The following GPC6 variants were observed in gnomAD, a reference collection of about 807,000 sequenced individuals.
GPC6 encodes the protein glypican 6, also known as glypican-6.
GPC6 carries 14 observed loss-of-function variants against 55.2 expected under a neutral mutation model. The ratio of observed to expected loss-of-function variants is 0.25; its 90% CI spans 0.17 to 0.40. GPC6 has a LOEUF of 0.40. Among genes scored for constraint, GPC6 ranks in the 10% least tolerant of loss-of-function variants. The pLI is 1.00. For missense variants in GPC6, 641 were observed against 708.5 expected, an observed-to-expected ratio of 0.90 and a Z score of 1.08; for synonymous variants, 278 against 259.6, an observed-to-expected ratio of 1.07 and a Z score of -0.68.
chr13:93,788,140 C>T (rs1022367065), intron 2 of GPC6, among the ~76,000 whole-genome samples: 2 of 152,098 alleles, frequency 1.3e-5, no homozygotes, highest in African/African-American at 4.8e-5. Flanking sequence ...TATTTAATCA[C>T]AGTTCTAGAG....
At chr13:93,777,713 G>C (rs1002836739) in intron 2 of GPC6, among the ~76,000 whole-genome samples, 1 of 152,112 alleles carries the variant, frequency 6.6e-6, no homozygotes, top group African/African-American at 2.4e-5. Context: ...ATGTGTACAA[G>C]GGTTATTGCT....
chr13:93,320,133 A>C (rs1292487813), intron 1 of GPC6, among the ~76,000 whole-genome samples: 1 of 152,156 alleles, frequency 6.6e-6, no homozygotes, highest in African/African-American at 2.4e-5. Context: ...AAAAATATAA[A>C]GTTTTACAAG....
chr13:93,604,266 C>T (rs1878144433), intron 2 of GPC6, among the ~76,000 whole-genome samples: 1 of 152,206 alleles, frequency 6.6e-6, no homozygotes, highest in Non-Finnish European at 1.5e-5. Context: ...GCTGATTTCA[C>T]ATTGTTATAT....
In GPC6 at chr13:94,398,486, A is replaced by G. The variant is rs758730574; in HGVS notation, c.1310A>G (p.Asn437Ser). The G allele has an allele frequency of 3.1e-6, 5 of 1,613,484 alleles. No individual in the cohort carries two copies. Among genetic ancestry groups the G allele is most frequent in the Non-Finnish European group, 4.2e-6 (5 of 1,179,562 alleles). ...TGCAGATACTTGCCTGAGATCATGAATGATGGGCTCACCAACCAGATCAAC... is the reference window on the plus strand; with the variant it reads ...TGCAGATACTTGCCTGAGATCATGAGTGATGGGCTCACCAACCAGATCAAC... ...SKARYLPEIM[N>S]DGLTNQINNP... Residue 437 changes from asparagine (N) to serine (S), a missense_variant, in exon 8 of 9, where the codon AAT becomes AGT. Coordinates refer to ENST00000377047, the MANE Select transcript of GPC6 (RefSeq NM_005708.5).
At position 94,305,554 on chromosome 13, in the gene GPC6, G is replaced by A. The variant is rs1281379579; in HGVS notation, c.1009-426G>A. ...CATTGTACTACATAGACCACAAAGA[G>A]AACACTTGTTTACAGTCTGAGAGCT... On this transcript the variant is annotated intron_variant, in intron 5 of 8. Coordinates refer to ENST00000377047, the MANE Select transcript of GPC6 (RefSeq NM_005708.5). Among the ~76,000 whole-genome samples the A allele has an allele frequency of 2.0e-5, 3 of 152,254 alleles. No individual in the cohort carries two copies. In the East Asian group the frequency reaches 5.8e-4, roughly 29 times the overall value.
In GPC6 at chr13:94,048,082, AT is replaced by A. The variant is rs200942150; in HGVS notation, c.877+20192del. ...ATTCCAGGAAGAAATAGCAAAGTTA[AT>A]TTTGGTTAGAGTCATCTACAGGAAG... On this transcript the variant is annotated intron_variant, in intron 4 of 8. Transcript: ENST00000377047. Among the ~76,000 whole-genome samples, 871 of 152,168 alleles carry A rather than the reference AT, an allele frequency of 5.7e-3. 11 individuals carry two copies. Among genetic ancestry groups the A allele is most frequent in the African/African-American group, 0.02 (839 of 41,536 alleles).
chr13:93,225,519 T>TTG (rs1594037945), upstream of GPC6, among the ~76,000 whole-genome samples: 4 of 151,690 alleles, frequency 2.6e-5, no homozygotes, highest in African/African-American at 7.3e-5. Context: ...TTTTTTTTTT[T>TTG]TTTGGTTTTG....
intron 1 of GPC6, among the ~76,000 whole-genome samples, chr13:93,357,928 G>A (rs780306341): frequency 2.0e-5 from 3 of 152,212 alleles, no homozygotes; most frequent in Non-Finnish European, 4.4e-5. Context: ...TCTTATGCAT[G>A]TGTATCTTTG....
chr13:93,623,985 C>A (rs1312070783), intron 2 of GPC6, among the ~76,000 whole-genome samples: 1 of 151,940 alleles, frequency 6.6e-6, no homozygotes, highest in Non-Finnish European at 1.5e-5. Flanking sequence ...TGGATACTAA[C>A]CTCTTGTCAA....
At chr13:94,343,429 G>T (rs950009911) in intron 6 of GPC6, among the ~76,000 whole-genome samples, 4 of 152,174 alleles carry the variant, frequency 2.6e-5, no homozygotes, top group African/African-American at 7.2e-5. Context: ...TCAGCACGAG[G>T]TTGTTTAGCT....
At chr13:93,310,458 C>T (rs1998558) in intron 1 of GPC6, among the ~76,000 whole-genome samples, 3 of 152,158 alleles carry the variant, frequency 2.0e-5, no homozygotes, top group Middle Eastern at 3.2e-3. Flanking sequence ...TTTGGAAACA[C>T]AACATTCACA....
intron 3 of GPC6, among the ~76,000 whole-genome samples, chr13:93,865,588 C>T (rs1341307315): frequency 6.6e-6 from 1 of 151,668 alleles, no homozygotes; most frequent in African/African-American, 2.4e-5. Context: ...GAAACTGCTA[C>T]CCTGTGTCAT....
At chr13:93,802,460 C>CA (rs1437118502) in intron 2 of GPC6, among the ~76,000 whole-genome samples, 1 of 151,714 alleles carries the variant, frequency 6.6e-6, no homozygotes, top group African/African-American at 2.4e-5. Flanking sequence ...TACAGTGGCA[C>CA]AATCATAACA....
chr13:94,007,008 C>G (rs1286318354), intron 3 of GPC6, among the ~76,000 whole-genome samples: 1 of 152,126 alleles, frequency 6.6e-6, no homozygotes, highest in Admixed American at 6.5e-5. Context: ...TAGTTCCCTC[C>G]TTAGTCACTA....
At chr13:94,307,443 A>G (rs1467321781) in intron 6 of GPC6, among the ~76,000 whole-genome samples, 1 of 151,958 alleles carries the variant, frequency 6.6e-6, no homozygotes, top group Non-Finnish European at 1.5e-5. Flanking sequence ...TAGCTTACTG[A>G]GTAGCTGAGA....
chr13:94,386,368 A>AAAAAG (rs1048888735), intron 7 of GPC6, among the ~76,000 whole-genome samples: 4 of 151,770 alleles, frequency 2.6e-5, no homozygotes, highest in Admixed American at 6.6e-5. Context: ...TCAAAAAAAA[A>AAAAAG]AAAAGAAAAG....
At chr13:94,186,540 G>A (rs532568549) in intron 4 of GPC6, among the ~76,000 whole-genome samples, 8 of 152,016 alleles carry the variant, frequency 5.3e-5, no homozygotes, top group South Asian at 2.1e-4. Flanking sequence ...TAGGGTCACC[G>A]CAACAGATTC....
At chr13:93,481,771 T>C (rs1199939407) in intron 1 of GPC6, among the ~76,000 whole-genome samples, 1 of 152,184 alleles carries the variant, frequency 6.6e-6, no homozygotes, top group Non-Finnish European at 1.5e-5. Flanking sequence ...TCAATTCTAT[T>C]ATTGTCTGTT....
intron 3 of GPC6, among the ~76,000 whole-genome samples, chr13:93,902,040 T>C (rs1876386982): frequency 6.6e-6 from 1 of 152,180 alleles, no homozygotes; most frequent in South Asian, 2.1e-4. Flanking sequence ...CTATAAATTA[T>C]ACATTTATAA....
Sources: allele counts gnomAD v4.1 joint callset (sites outside exome capture counted in the v4.1 genomes callset), GRCh38; gene constraint gnomAD v4.1.1; transcripts MANE v1.5; gene names NCBI Gene and HGNC (gene_info 2026-07-23, HGNC 2026-07-21).